Variants in DROSHA observed in about 807,000 individuals in gnomAD.
The protein encoded by DROSHA is ribonuclease 3.
A neutral mutation model predicts 181.9 loss-of-function variants in DROSHA; 56 were observed. That is an observed-to-expected ratio of 0.31 (90% CI 0.25 to 0.38). The LOEUF (loss-of-function observed/expected upper bound fraction) is 0.38, where lower values mean the gene tolerates loss of function less well. Among genes scored for constraint, DROSHA ranks in the 10% least tolerant of loss-of-function variants. The pLI, the probability that DROSHA is intolerant of heterozygous loss-of-function variation, is 1.00. For missense variants in DROSHA, 1,218 were observed against 1,743.5 expected (o/e 0.70, Z 5.37); for synonymous variants, 524 against 591.2 (o/e 0.89, Z 1.65).
At chr5:31,405,542 T>G (rs922116098) in intron 35 of DROSHA, 135 bp downstream of exon 35, 6 of 827,064 alleles carry the variant, frequency 7.3e-6, no homozygotes, top group Non-Finnish European at 1.2e-5. Context: ...TACTATATTC[T>G]CTGTGTAAAG....
intron 20 of DROSHA, among the ~76,000 whole-genome samples, chr5:31,453,749 G>A (rs1252453506): frequency 2.0e-5 from 3 of 152,054 alleles, no homozygotes; most frequent in Admixed American, 6.5e-5. Context: ...TAACCCTTTC[G>A]TGAGTACCTT....
rs138147545 is a variant in DROSHA at position 31,504,272 on chromosome 5, T to A, written c.1668+283A>T. On this transcript the variant is annotated intron_variant, in intron 11 of 35. Coordinates refer to ENST00000344624, the MANE Select transcript of DROSHA (RefSeq NM_001382508.1). ...TATGATGAAACATAAAACTATAATA[T>A]GTGCAGCTGAAGAATACTTGAAATG... 7.7e-3 allele frequency among the ~76,000 whole-genome samples: 1,178 copies of A among 152,298 alleles called. 13 individuals carry two copies. Among genetic ancestry groups the A allele is most frequent in the Non-Finnish European group, 0.011 (740 of 68,026 alleles).
intron 16 of DROSHA, among the ~76,000 whole-genome samples, chr5:31,478,901 A>T (rs1389989963): frequency 6.6e-6 from 1 of 152,220 alleles, no homozygotes; most frequent in Non-Finnish European, 1.5e-5. Context: ...ATCTTAACAC[A>T]TAATTTCACT....
chr5:31,451,479 G>T, intron 21 of DROSHA, 54 bp downstream of exon 21: 3 of 1,442,712 alleles, frequency 2.1e-6, no homozygotes, highest in Non-Finnish European at 2.9e-6. Context: ...TGACCTGCAA[G>T]ATGAATTACT....
chr5:31,432,134 A>ATT (rs749470013), intron 25 of DROSHA, among the ~76,000 whole-genome samples: 22 of 143,788 alleles, frequency 1.5e-4, no homozygotes, highest in East Asian at 1.0e-3. Context: ...TACAAAACAG[A>ATT]TTTTTTTTTT....
chr5:31,482,258 T>C (rs1751113938), intron 16 of DROSHA, among the ~76,000 whole-genome samples: 1 of 152,148 alleles, frequency 6.6e-6, no homozygotes, highest in Admixed American at 6.5e-5. Flanking sequence ...GTGGCCCATA[T>C]ATAGAAGAAA....
At chr5:31,495,725 G>T (rs536140127) in intron 11 of DROSHA, among the ~76,000 whole-genome samples, 1 of 152,340 alleles carries the variant, frequency 6.6e-6, no homozygotes, top group Non-Finnish European at 1.5e-5. Flanking sequence ...ACACATAGGT[G>T]GCCTTGATGA....
At chr5:31,451,400 C>T in intron 21 of DROSHA, 133 bp downstream of exon 21, 1 of 721,696 alleles carries the variant, frequency 1.4e-6, no homozygotes, top group East Asian at 2.8e-5. Context: ...CAGGGTAGAG[C>T]AATGGAGAGA....
At chr5:31,450,014 C>A (rs1333042030) in intron 21 of DROSHA, among the ~76,000 whole-genome samples, 1 of 151,954 alleles carries the variant, frequency 6.6e-6, no homozygotes, top group African/African-American at 2.4e-5. Context: ...ATGACATGAA[C>A]AAACATTTTT....
chr5:31,436,543 C>T (rs943434173), intron 24 of DROSHA, among the ~76,000 whole-genome samples: 5 of 152,136 alleles, frequency 3.3e-5, no homozygotes, highest in African/African-American at 1.2e-4. Flanking sequence ...CAGGCATGCA[C>T]CATCACACCT....
chr5:31,497,689 T>C (rs1054975812), intron 11 of DROSHA, among the ~76,000 whole-genome samples: 1 of 152,232 alleles, frequency 6.6e-6, no homozygotes, highest in Non-Finnish European at 1.5e-5. Flanking sequence ...GATTCTCTCA[T>C]AGAAATGAGT....
chr5:31,434,327 T>C (rs1396378235), intron 25 of DROSHA, among the ~76,000 whole-genome samples: 1 of 152,240 alleles, frequency 6.6e-6, no homozygotes, highest in African/African-American at 2.4e-5. Context: ...ACCTACTTAT[T>C]AATATGTATT....
At chr5:31,526,001 G>T in intron 5 of DROSHA, 78 bp downstream of exon 5, 1 of 1,379,974 alleles carries the variant, frequency 7.2e-7, no homozygotes, top group South Asian at 1.6e-5. Context: ...GGATCCTTTT[G>T]GTTTGGTTGT....
At chr5:31,484,347 G>C (rs1272558533) in intron 15 of DROSHA, among the ~76,000 whole-genome samples, 1 of 103,206 alleles carries the variant, frequency 9.7e-6, no homozygotes, top group Admixed American at 1.2e-4. Flanking sequence ...GCAGTCCGCA[G>C]TCCGGCCTGG....
At chr5:31,437,346 C>A (rs1744976944) in intron 23 of DROSHA, 48 bp from the exon 24 acceptor site, 6 of 1,485,146 alleles carry the variant, frequency 4.0e-6, no homozygotes, top group African/African-American at 1.5e-5. Context: ...ATTAACACTC[C>A]CCCCCACCCA....
rs558580623 is a variant in DROSHA, at chr5:31,452,218, A to G, written c.2575-578T>C. 1.5e-3 allele frequency among the ~76,000 whole-genome samples: 221 copies of G among 152,338 alleles called. 2 individuals carry two copies. The highest frequency in any genetic ancestry group is 6.2e-4 in the South Asian group (3 of 4,818). On this transcript the variant is annotated intron_variant, in intron 20 of 35. Coordinates refer to ENST00000344624, the MANE Select transcript of DROSHA (RefSeq NM_001382508.1). ...AGGAAAATGACTCTTTCCCCAGAAA[A>G]ATGTCCCTGTGCACAAACATGCAAA...
chr5:31,431,219 C>A (rs1744134988), intron 26 of DROSHA, among the ~76,000 whole-genome samples: 1 of 152,106 alleles, frequency 6.6e-6, no homozygotes, highest in African/African-American at 2.4e-5. Context: ...AGTCTCTCAG[C>A]AACCTAATCT....
At position 31,526,214 on chromosome 5, in the gene DROSHA, C is replaced by T. The variant is rs2150064030; in HGVS notation, c.719G>A (p.Arg240Gln). The T allele has an allele frequency of 4.3e-6, 7 of 1,613,930 alleles. No individual in the cohort carries two copies. Among genetic ancestry groups the T allele is most frequent in the Admixed American group, 1.7e-5 (1 of 60,022 alleles). ...ATCCAGGGACCGATGCCTCTCACCT[C>T]GCCCATGACTGTGATCTCGGTGCCT... ...DHRHRDHSHG[R>Q]GERHRSLDRR... The change falls in exon 5 of 36, where the codon CGA becomes CAA. Residue 240 changes from arginine to glutamine, a missense_variant. Coordinates refer to ENST00000344624, the MANE Select transcript of DROSHA (RefSeq NM_001382508.1).
At chr5:31,402,276 G>C (rs934830144) in intron 35 of DROSHA, among the ~76,000 whole-genome samples, 1 of 152,178 alleles carries the variant, frequency 6.6e-6, no homozygotes, top group Non-Finnish European at 1.5e-5. Flanking sequence ...AATGCGTAGT[G>C]AAGTGGATCT....
Sources: allele counts gnomAD v4.1 joint callset (sites outside exome capture counted in the v4.1 genomes callset), GRCh38; gene constraint gnomAD v4.1.1; transcripts MANE v1.5; gene names NCBI Gene and HGNC (gene_info 2026-07-23, HGNC 2026-07-21).